CYP4X1: variants seen among roughly 807,000 people sequenced by gnomAD.
CYP4X1 encodes cytochrome P450 4X1.
In CYP4X1, 44 loss-of-function variants were observed where a neutral mutation model predicts 57.9. The observed-to-expected ratio is 0.76, with a 90% confidence interval of 0.60 to 0.98. The LOEUF is 0.98. Among genes scored for constraint, CYP4X1 ranks in the 50% least tolerant of loss-of-function variants. The probability of loss-of-function intolerance (pLI) is 0.00; values close to 1 mark genes in which losing one functional copy is unlikely to be tolerated. For missense variants in CYP4X1, 532 were observed against 623.9 expected (o/e 0.85, Z 1.57); for synonymous variants, 227 against 228.6 (o/e 0.99, Z 0.06).
At chr1:46,969,769 T>C in the CYP4X1 span, among the ~76,000 whole-genome samples, 22 of 152,216 alleles carry the variant, frequency 1.4e-4, no homozygotes, top group Admixed American at 4.6e-4. Context: ...AAAAAGGCCT[T>C]TCCCCACAGT....
the CYP4X1 span, among the ~76,000 whole-genome samples, chr1:47,001,974 C>T: frequency 1.3e-5 from 2 of 152,238 alleles, no homozygotes; most frequent in Non-Finnish European, 2.9e-5. Flanking sequence ...AGCTTCCTCT[C>T]GCCCTCTATT....
At chr1:46,969,347 T>G in the CYP4X1 span, among the ~76,000 whole-genome samples, 1 of 152,210 alleles carries the variant, frequency 6.6e-6, no homozygotes, top group Non-Finnish European at 1.5e-5. Flanking sequence ...CTTTTCTTTA[T>G]AAATTACCCT....
In CYP4X1 at chr1:47,024,001, GGGAGGGAGGAGGGAGGAAGGA is replaced by G. The variant is rs761958336; in HGVS notation, c.177+17_177+37del. On this transcript the variant is annotated splice_region_variant and intron_variant, in intron 1 of 11. Transcript: ENST00000371901. The stretch of plus-strand genomic sequence containing the variant: ...GTTCCTTGGGCACCAGAAGGTAGAT[GGGAGGGAGGAGGGAGGAAGGA>G]GGAGGGAGGGGCGGAGGAGGATGCG... 4.3e-6 allele frequency: 7 copies of G among 1,609,998 alleles called. No homozygotes were observed. The highest frequency in any genetic ancestry group is 5.9e-6 in the Non-Finnish European group (7 of 1,178,052).
At chr1:47,025,341 C>T (rs1160960417) in intron 1 of CYP4X1, among the ~76,000 whole-genome samples, 1 of 152,188 alleles carries the variant, frequency 6.6e-6, no homozygotes, top group Non-Finnish European at 1.5e-5. Context: ...CAATGCCATG[C>T]TTCTTGTACA....
At chr1:47,010,090 C>G in the CYP4X1 span, among the ~76,000 whole-genome samples, 1 of 152,048 alleles carries the variant, frequency 6.6e-6, no homozygotes, top group Admixed American at 6.6e-5. Context: ...ATACCAAAGC[C>G]TGGCAGAGAC....
chr1:46,963,787 G>A, the CYP4X1 span, among the ~76,000 whole-genome samples: 1 of 152,036 alleles, frequency 6.6e-6, no homozygotes, highest in Non-Finnish European at 1.5e-5. Context: ...TCTGAATGTT[G>A]GCCTGCCTTG....
chr1:47,012,681 C>G, the CYP4X1 span, among the ~76,000 whole-genome samples: 1 of 152,094 alleles, frequency 6.6e-6, no homozygotes, highest in Non-Finnish European at 1.5e-5. Context: ...GCCCACTGAT[C>G]CAGGGACCAA....
At chr1:47,028,215 A>G (rs1644090586) in intron 1 of CYP4X1, among the ~76,000 whole-genome samples, 1 of 152,128 alleles carries the variant, frequency 6.6e-6, no homozygotes, top group Non-Finnish European at 1.5e-5. Context: ...GATGTACTGC[A>G]GAGAACATCT....
chr1:46,961,422 G>C, the CYP4X1 span, among the ~76,000 whole-genome samples: 164 of 152,264 alleles, frequency 1.1e-3, no homozygotes, highest in African/African-American at 3.7e-3. Flanking sequence ...GAACAAAGTG[G>C]TATCCTGGGC....
upstream of CYP4X1, among the ~76,000 whole-genome samples, chr1:47,022,546 C>T (rs1299424015): frequency 6.6e-6 from 1 of 151,994 alleles, no homozygotes; most frequent in Non-Finnish European, 1.5e-5. Flanking sequence ...GCCTCGGCCT[C>T]CCAAATTGCT....
At chr1:47,022,144 G>A (rs1385465938), upstream of CYP4X1, among the ~76,000 whole-genome samples, 1 of 152,132 alleles carries the variant, frequency 6.6e-6, no homozygotes, top group Non-Finnish European at 1.5e-5. Context: ...ACAACATCTA[G>A]TTGAAGGTTG....
chr1:46,965,798 G>A, the CYP4X1 span, among the ~76,000 whole-genome samples: 10 of 152,330 alleles, frequency 6.6e-5, no homozygotes, highest in African/African-American at 2.4e-4. Flanking sequence ...TAGCTGGCAG[G>A]CTGGAATGTC....
intron 4 of CYP4X1, among the ~76,000 whole-genome samples, chr1:47,035,119 C>T (rs984182226): frequency 2.0e-5 from 3 of 150,694 alleles, no homozygotes; most frequent in East Asian, 2.0e-4. Flanking sequence ...ACCTATCGGT[C>T]GACCTGAACT....
At chr1:46,994,305 C>T in the CYP4X1 span, 1 of 152,346 alleles carries the variant, frequency 6.6e-6, no homozygotes, top group Non-Finnish European at 1.5e-5. Flanking sequence ...TGTTTTGGTA[C>T]CAGTACCATG....
chr1:47,004,963 G>A, the CYP4X1 span, among the ~76,000 whole-genome samples: 1 of 152,190 alleles, frequency 6.6e-6, no homozygotes, highest in Non-Finnish European at 1.5e-5. Flanking sequence ...AAATTATAAG[G>A]TGGCTAGAAG....
At chr1:46,968,835 T>G in the CYP4X1 span, among the ~76,000 whole-genome samples, 1 of 152,328 alleles carries the variant, frequency 6.6e-6, no homozygotes, top group East Asian at 1.9e-4. Flanking sequence ...CCCATCATGG[T>G]GTATGGGACT....
chr1:47,036,118 G>C lies in CYP4X1; in HGVS notation c.722G>C (p.Ser241Thr). Residue 241 changes from serine (S) to threonine (T), a missense_variant, in exon 6 of 12, where the codon AGC becomes ACC. Transcript: ENST00000371901. ...LYHSDIIFKL[S>T]PQGYRFQKLS... ...CACAGTGACATAATTTTCAAACTCAGCCCTCAGGGCTACCGCTTCCAGAAG... is the reference window on the plus strand; with the variant it reads ...CACAGTGACATAATTTTCAAACTCACCCCTCAGGGCTACCGCTTCCAGAAG... 6.2e-7 allele frequency: 1 copy of C among 1,613,610 alleles called. No homozygotes were observed. The highest frequency in any genetic ancestry group is 8.5e-7 in the Non-Finnish European group (1 of 1,179,776).
chr1:46,993,036 C>T, the CYP4X1 span, among the ~76,000 whole-genome samples: 1 of 151,604 alleles, frequency 6.6e-6, no homozygotes, highest in African/African-American at 2.4e-5. Context: ...CACCCATTAA[C>T]TCGTCATTTA....
the CYP4X1 span, among the ~76,000 whole-genome samples, chr1:46,998,526 A>AG: frequency 1.3e-5 from 2 of 151,946 alleles, no homozygotes; most frequent in African/African-American, 4.8e-5. Flanking sequence ...CCCCTCCTGT[A>AG]GGTTGTCTGT....
Sources: allele counts gnomAD v4.1 joint callset (sites outside exome capture counted in the v4.1 genomes callset), GRCh38; gene constraint gnomAD v4.1.1; transcripts MANE v1.5; gene names NCBI Gene and HGNC (gene_info 2026-07-23, HGNC 2026-07-21).